NRG1: variants seen among roughly 807,000 people sequenced by gnomAD.
The protein encoded by NRG1 is neuregulin 1, also known as pro-neuregulin-1, membrane-bound isoform.
A neutral mutation model predicts 63.8 loss-of-function variants in NRG1; 18 were observed. The observed-to-expected ratio is 0.28, with a 90% CI of 0.19 to 0.42. The LOEUF (loss-of-function observed/expected upper bound fraction) is 0.42. Ranked by LOEUF, NRG1 falls within the 10% of genes least tolerant of loss-of-function variation. The pLI, the probability that NRG1 is intolerant of heterozygous loss-of-function variation, is 1.00. For synonymous variants in NRG1, 302 were observed against 301.3 expected (o/e 1.00, Z -0.02); for missense variants, 762 against 814.7 (o/e 0.94, Z 0.79).
chr8:31,875,446 C>T (rs1025625520), intron 1 of NRG1, among the ~76,000 whole-genome samples: 3 of 152,164 alleles, frequency 2.0e-5, no homozygotes, highest in African/African-American at 7.2e-5. Flanking sequence ...CACTGTAAGA[C>T]CCAGACTGTC....
chr8:31,973,991 C>T (rs1807744211), intron 1 of NRG1, among the ~76,000 whole-genome samples: 1 of 152,152 alleles, frequency 6.6e-6, no homozygotes, highest in South Asian at 2.1e-4. Flanking sequence ...ATTCCCTGGC[C>T]ATCTAAGCAC....
intron 1 of NRG1, among the ~76,000 whole-genome samples, chr8:32,260,727 G>A (rs894696409): frequency 1.3e-5 from 2 of 152,152 alleles, no homozygotes; most frequent in African/African-American, 4.8e-5. Flanking sequence ...AGGATGGCTA[G>A]CAAAAGGAAA....
intron 1 of NRG1, among the ~76,000 whole-genome samples, chr8:31,749,269 C>T (rs565885881): frequency 1.7e-4 from 26 of 151,624 alleles, no homozygotes; most frequent in East Asian, 5.8e-4. Flanking sequence ...TAGTTTATTC[C>T]GTTTTCTAAT....
intron 1 of NRG1, among the ~76,000 whole-genome samples, chr8:32,074,569 TTAGGGC>T (rs1264190049): frequency 6.6e-6 from 1 of 152,208 alleles, no homozygotes; most frequent in Non-Finnish European, 1.5e-5. Context: ...CTCAAGATTC[TTAGGGC>T]AGTGCGTGTG....
intron 1 of NRG1, among the ~76,000 whole-genome samples, chr8:32,340,429 G>A (rs1274307257): frequency 2.0e-5 from 3 of 152,102 alleles, no homozygotes; most frequent in African/African-American, 4.8e-5. Context: ...TCTCATGGGA[G>A]CTCGATTTCT....
At chr8:31,703,073 C>T (rs1367988626) in intron 1 of NRG1, among the ~76,000 whole-genome samples, 2 of 147,476 alleles carry the variant, frequency 1.4e-5, no homozygotes, top group African/African-American at 5.0e-5. Flanking sequence ...GCTATTTAGG[C>T]ACAACATTTA....
chr8:32,052,261 C>A (rs1383446772), intron 1 of NRG1, among the ~76,000 whole-genome samples: 1 of 139,378 alleles, frequency 7.2e-6, no homozygotes, highest in African/African-American at 2.7e-5. Flanking sequence ...TTTACATTTT[C>A]TTTCCTCCTG....
chr8:32,733,776 C>T (rs1475024140), intron 6 of NRG1, among the ~76,000 whole-genome samples: 1 of 152,008 alleles, frequency 6.6e-6, no homozygotes, highest in Non-Finnish European at 1.5e-5. Flanking sequence ...CCAAATGGTA[C>T]AATGCTGACT....
At chr8:32,451,744 C>A (rs1481376882) in intron 1 of NRG1, among the ~76,000 whole-genome samples, 2 of 152,154 alleles carry the variant, frequency 1.3e-5, no homozygotes, top group Non-Finnish European at 2.9e-5. Context: ...TTCTTAATAT[C>A]CTTAATTTCT....
At chr8:31,899,146 C>T (rs1428891810) in intron 1 of NRG1, among the ~76,000 whole-genome samples, 1 of 151,662 alleles carries the variant, frequency 6.6e-6, no homozygotes, top group Admixed American at 6.6e-5. Context: ...CTCTGTCTCC[C>T]AGGCTGGACT....
At chr8:32,090,051 T>C (rs1221098776) in intron 1 of NRG1, among the ~76,000 whole-genome samples, 1 of 152,182 alleles carries the variant, frequency 6.6e-6, no homozygotes, top group Non-Finnish European at 1.5e-5. Context: ...TCTTGTATAT[T>C]GACAAGAGCA....
chr8:31,859,263 T>C (rs1283021912), intron 1 of NRG1, among the ~76,000 whole-genome samples: 1 of 152,198 alleles, frequency 6.6e-6, no homozygotes, highest in Admixed American at 6.5e-5. Context: ...GCCTTGAGTA[T>C]ATGAAGCTAT....
At chr8:32,605,716 T>C (rs1267691452) in intron 3 of NRG1, 33 bp downstream of exon 3, 2 of 1,609,258 alleles carry the variant, frequency 1.2e-6, no homozygotes, top group African/African-American at 2.7e-5. Context: ...TGTTCCTCAA[T>C]CTGTAACAAG....
intron 1 of NRG1, among the ~76,000 whole-genome samples, chr8:31,953,820 T>A (rs554113483): frequency 6.6e-6 from 1 of 152,204 alleles, no homozygotes; most frequent in South Asian, 2.1e-4. Context: ...ACATCAAGAA[T>A]GGAGAAAGAG....
intron 1 of NRG1, among the ~76,000 whole-genome samples, chr8:31,984,348 C>T (rs897906713): frequency 1.3e-5 from 2 of 152,046 alleles, no homozygotes; most frequent in Non-Finnish European, 2.9e-5. Flanking sequence ...ATTTTGCCCA[C>T]TTCTCCATCT....
At chr8:32,567,426 A>T (rs1837659671) in intron 1 of NRG1, among the ~76,000 whole-genome samples, 1 of 152,240 alleles carries the variant, frequency 6.6e-6, no homozygotes, top group Non-Finnish European at 1.5e-5. Context: ...TGCATCAAAA[A>T]TTAGATTAAA....
At chr8:32,415,357 C>A (rs1815717896) in intron 1 of NRG1, among the ~76,000 whole-genome samples, 1 of 114,732 alleles carries the variant, frequency 8.7e-6, no homozygotes, top group African/African-American at 3.3e-5. Flanking sequence ...CAGAGCAAGA[C>A]TCTGTCTCAA....
intron 1 of NRG1, among the ~76,000 whole-genome samples, chr8:31,815,610 G>A (rs1452006981): frequency 6.6e-6 from 1 of 152,068 alleles, no homozygotes; most frequent in Non-Finnish European, 1.5e-5. Context: ...TATATACCCC[G>A]AAGTAGATTG....
At chr8:32,357,257 ATAAG>A (rs1345609975) in intron 1 of NRG1, among the ~76,000 whole-genome samples, 1 of 152,218 alleles carries the variant, frequency 6.6e-6, no homozygotes, top group African/African-American at 2.4e-5. Context: ...AAGAGAAGAA[ATAAG>A]TAAGAAAGAA....
Sources: gnomAD v4.1 joint callset for allele counts (sites outside exome capture counted in the v4.1 genomes callset) on GRCh38, gnomAD v4.1.1 for gene constraint, MANE v1.5 for transcripts, NCBI Gene and HGNC (gene_info 2026-07-23, HGNC 2026-07-21) for gene names.